PALLD: variants seen among roughly 807,000 people sequenced by gnomAD.
The protein encoded by PALLD is palladin.
A neutral mutation model predicts 123.5 loss-of-function variants in PALLD; 61 were observed. That is an observed-to-expected ratio of 0.49 (90% CI 0.40 to 0.61). PALLD has a LOEUF of 0.61. Among genes scored for constraint, PALLD ranks in the 20% least tolerant of loss-of-function variants. The pLI, the probability that PALLD is intolerant of heterozygous loss-of-function variation, is 0.00. For synonymous variants in PALLD, 465 were observed against 496.4 expected, an observed-to-expected ratio of 0.94 and a Z score of 0.84; for missense variants, 1,273 against 1,377.0, an observed-to-expected ratio of 0.92 and a Z score of 1.20.
At chr4:168,664,288 G>A (rs572800868) in intron 2 of PALLD, among the ~76,000 whole-genome samples, 1 of 152,224 alleles carries the variant, frequency 6.6e-6, no homozygotes, top group South Asian at 2.1e-4. Context: ...ATGAGTTTAA[G>A]GCTAAAGAAA....
chr4:168,829,958 G>A (rs992507728), intron 10 of PALLD, among the ~76,000 whole-genome samples: 2 of 152,186 alleles, frequency 1.3e-5, no homozygotes, highest in African/African-American at 4.8e-5. Context: ...CAGGCCAGGT[G>A]CAGTGGGTCA....
At chr4:168,846,179 A>G (rs1387761454) in intron 10 of PALLD, among the ~76,000 whole-genome samples, 1 of 152,230 alleles carries the variant, frequency 6.6e-6, no homozygotes, top group Non-Finnish European at 1.5e-5. Context: ...TACTATTTTC[A>G]TTCTTACATA....
intron 10 of PALLD, among the ~76,000 whole-genome samples, chr4:168,849,828 C>T (rs955853508): frequency 6.6e-6 from 1 of 152,052 alleles, no homozygotes; most frequent in African/African-American, 2.4e-5. Flanking sequence ...TGGCTGGCTG[C>T]ATCAGGGGGC....
chr4:168,741,497 G>A (rs1788332984), intron 10 of PALLD, among the ~76,000 whole-genome samples: 1 of 151,936 alleles, frequency 6.6e-6, no homozygotes, highest in Non-Finnish European at 1.5e-5. Flanking sequence ...GAGCAGCATA[G>A]CAAGACGTCA....
At chr4:168,611,364 A>G (rs1773709529) in intron 2 of PALLD, among the ~76,000 whole-genome samples, 2 of 152,162 alleles carry the variant, frequency 1.3e-5, no homozygotes, top group Admixed American at 1.3e-4. Context: ...TCTCTGCTGA[A>G]CTGAATCGAT....
At chr4:168,681,539 A>AT in intron 4 of PALLD, 141 bp downstream of exon 4, 2 of 454,248 alleles carry the variant, frequency 4.4e-6, no homozygotes, top group Non-Finnish European at 7.6e-6. Flanking sequence ...GTTGGAACAC[A>AT]ATTTTTTTTT....
intron 2 of PALLD, among the ~76,000 whole-genome samples, chr4:168,599,131 G>C (rs1178383534): frequency 6.6e-6 from 1 of 152,108 alleles, no homozygotes; most frequent in African/African-American, 2.4e-5. Flanking sequence ...GGCAAGTAAG[G>C]GGTGTAACAG....
chr4:168,887,116 C>CAAAAAAAAAAAAAAAAAAAAA (rs755173931), intron 10 of PALLD, among the ~76,000 whole-genome samples: 1 of 94,562 alleles, frequency 1.1e-5, no homozygotes, highest in Non-Finnish European at 2.1e-5. Flanking sequence ...GACTCTGTCT[C>CAAAAAAAAAAAAAAAAAAAAA]AAAAAAAAAA....
At chr4:168,646,596 A>G (rs1442029785) in intron 2 of PALLD, among the ~76,000 whole-genome samples, 1 of 152,258 alleles carries the variant, frequency 6.6e-6, no homozygotes, top group Non-Finnish European at 1.5e-5. Context: ...AATGGTGCAC[A>G]GGAGGCATCC....
intron 10 of PALLD, among the ~76,000 whole-genome samples, chr4:168,807,200 G>A (rs116249079): frequency 0.023 from 3,487 of 152,080 alleles, 139 homozygotes; most frequent in African/African-American, 0.077. Context: ...TGCAGGAGTG[G>A]TGAGGAGATT....
At chr4:168,531,505 G>A (rs1764595605) in intron 2 of PALLD, among the ~76,000 whole-genome samples, 1 of 152,182 alleles carries the variant, frequency 6.6e-6, no homozygotes, top group Non-Finnish European at 1.5e-5. Context: ...ATCGGCAGGT[G>A]TGAATGACTC....
intron 8 of PALLD, among the ~76,000 whole-genome samples, chr4:168,698,758 C>A (rs1034803892): frequency 6.6e-6 from 1 of 152,084 alleles, no homozygotes; most frequent in Non-Finnish European, 1.5e-5. Flanking sequence ...CTAACAGTGA[C>A]AAGGTTACTT....
rs112205532 is a variant in PALLD, at chr4:168,550,450, A to T, written c.908+38038A>T. On this transcript the variant is annotated intron_variant, in intron 2 of 21. Transcript: ENST00000505667. ...GGGATAAAATAGAATAAAACCCTGC[A>T]AGACTCACAGGGAAAGCCAAATGTG... Among the ~76,000 whole-genome samples the T allele has an allele frequency of 4.5e-3, 693 of 152,310 alleles. 3 individuals are homozygous for T. Among genetic ancestry groups the T allele is most frequent in the African/African-American group, 0.016 (649 of 41,566 alleles).
At chr4:168,663,568 G>T (rs1386661895) in intron 2 of PALLD, among the ~76,000 whole-genome samples, 1 of 152,084 alleles carries the variant, frequency 6.6e-6, no homozygotes, top group African/African-American at 2.4e-5. Flanking sequence ...CATATGGAGG[G>T]CATGCTCCCA....
At chr4:168,878,475 C>A in intron 10 of PALLD, 2 of 1,076,990 alleles carry the variant, frequency 1.9e-6, no homozygotes, top group East Asian at 3.1e-5. Flanking sequence ...CATACACGCG[C>A]TCCCATCAGC....
intron 5 of PALLD, among the ~76,000 whole-genome samples, chr4:168,683,379 G>A (rs563670503): frequency 6.6e-6 from 1 of 152,280 alleles, no homozygotes; most frequent in South Asian, 2.1e-4. Context: ...ACTGGTGTCT[G>A]TTTTAGCTGT....
intron 10 of PALLD, among the ~76,000 whole-genome samples, chr4:168,802,648 G>C (rs1739519385): frequency 6.6e-6 from 1 of 152,044 alleles, no homozygotes; most frequent in Non-Finnish European, 1.5e-5. Context: ...AAGGAACTAT[G>C]CTAAATGACC....
rs969341585 is a variant in PALLD, at chr4:168,583,812, C to T, written c.908+71400C>T. 5.3e-5 allele frequency among the ~76,000 whole-genome samples: 8 copies of T among 152,274 alleles called. No individual in the cohort carries two copies. The South Asian group carries it at 1.7e-3, about 32-fold the overall frequency. On this transcript the variant is annotated intron_variant, in intron 2 of 21. Transcript: ENST00000505667. ...TGCTGGGTGGCCAATGGGACCTTGT[C>T]TGTTTACCAAGCCTAGTTCTCAGGT...
intron 2 of PALLD, among the ~76,000 whole-genome samples, chr4:168,581,015 A>C: frequency 6.6e-6 from 1 of 151,776 alleles, no homozygotes; most frequent in Admixed American, 6.6e-5. Flanking sequence ...AAAAAAAAAA[A>C]CTGTCAGATA....
Sources: gnomAD v4.1 joint callset for allele counts (sites outside exome capture counted in the v4.1 genomes callset) on GRCh38, gnomAD v4.1.1 for gene constraint, MANE v1.5 for transcripts, NCBI Gene and HGNC (gene_info 2026-07-23, HGNC 2026-07-21) for gene names.